Variants in KIAA0825 observed in about 807,000 individuals in gnomAD.
The protein encoded by KIAA0825 is KIAA0825.
A neutral mutation model predicts 147.6 loss-of-function variants in KIAA0825; 119 were observed. The ratio of observed to expected loss-of-function variants is 0.81; its 90% CI spans 0.69 to 0.94. The LOEUF is 0.94. KIAA0825 is among the 40% of genes least tolerant of loss of function. The pLI, the probability that KIAA0825 is intolerant of heterozygous loss-of-function variation, is 0.00. For synonymous variants in KIAA0825, 470 were observed against 518.1 expected, an observed-to-expected ratio of 0.91 and a Z score of 1.26; for missense variants, 1,381 against 1,472.7, an observed-to-expected ratio of 0.94 and a Z score of 1.02.
chr5:94,455,305 T>C (rs763153538), intron 12 of KIAA0825, among the ~76,000 whole-genome samples: 2 of 151,962 alleles, frequency 1.3e-5, no homozygotes, highest in Non-Finnish European at 2.9e-5. Flanking sequence ...ATCAGAGAAG[T>C]AGGCCAAGAC....
At chr5:94,355,780 C>T (rs1177829863) in intron 20 of KIAA0825, among the ~76,000 whole-genome samples, 2 of 152,142 alleles carry the variant, frequency 1.3e-5, no homozygotes, top group Admixed American at 6.5e-5. Context: ...TGTTTTAATA[C>T]TATTGTCAAG....
chr5:94,339,378 A>C (rs1306189015), intron 20 of KIAA0825, among the ~76,000 whole-genome samples: 1 of 152,158 alleles, frequency 6.6e-6, no homozygotes, highest in Non-Finnish European at 1.5e-5. Flanking sequence ...GGTATTTGTG[A>C]TTTAATAAGA....
intron 20 of KIAA0825, among the ~76,000 whole-genome samples, chr5:94,258,540 C>T (rs1776349906): frequency 1.3e-5 from 2 of 151,972 alleles, no homozygotes; most frequent in African/African-American, 4.8e-5. Flanking sequence ...CCCCCAGCAA[C>T]ATCAATAGTA....
At chr5:94,603,351 G>C (rs1786865675) in intron 1 of KIAA0825, among the ~76,000 whole-genome samples, 1 of 152,090 alleles carries the variant, frequency 6.6e-6, no homozygotes, top group African/African-American at 2.4e-5. Context: ...GGAGAAATAA[G>C]ATCATTTTCA....
At chr5:94,196,690 G>GCT (rs1771165519) in intron 20 of KIAA0825, among the ~76,000 whole-genome samples, 2 of 152,188 alleles carry the variant, frequency 1.3e-5, no homozygotes, top group Middle Eastern at 3.4e-3. Flanking sequence ...TCAATGTTAA[G>GCT]CTCTCACTTA....
intron 20 of KIAA0825, among the ~76,000 whole-genome samples, chr5:94,358,583 G>A (rs1005061428): frequency 1.3e-5 from 2 of 151,966 alleles, no homozygotes; most frequent in Non-Finnish European, 2.9e-5. Context: ...TACATACATG[G>A]GGCAAAGTTT....
chr5:94,406,993 A>T (rs1225413319), intron 15 of KIAA0825, among the ~76,000 whole-genome samples: 1 of 152,194 alleles, frequency 6.6e-6, no homozygotes, highest in East Asian at 1.9e-4. Context: ...AGTCAGTAGC[A>T]ATGGTTTAGC....
intron 20 of KIAA0825, among the ~76,000 whole-genome samples, chr5:94,220,081 T>G (rs899275930): frequency 6.6e-6 from 1 of 152,224 alleles, no homozygotes; most frequent in African/African-American, 2.4e-5. Context: ...CAAAAAATTC[T>G]TTCTCCATAT....
intron 2 of KIAA0825, among the ~76,000 whole-genome samples, chr5:94,560,091 C>CTAGT: frequency 6.6e-6 from 1 of 152,168 alleles, no homozygotes; most frequent in Non-Finnish European, 1.5e-5. Context: ...CATAACAAGA[C>CTAGT]CACCTTGGCT....
chr5:94,245,312 C>A (rs1379360442), intron 20 of KIAA0825, among the ~76,000 whole-genome samples: 1 of 152,158 alleles, frequency 6.6e-6, no homozygotes, highest in Admixed American at 6.6e-5. Context: ...GAATTTACCT[C>A]CAAATTTTTA....
At chr5:94,454,992 T>C (rs1202431675) in intron 12 of KIAA0825, among the ~76,000 whole-genome samples, 1 of 152,146 alleles carries the variant, frequency 6.6e-6, no homozygotes, top group African/African-American at 2.4e-5. Context: ...AAGCTTAGGA[T>C]ACATTGCAAG....
At chr5:94,391,514 A>AT (rs779618038) in intron 18 of KIAA0825, 21 bp downstream of exon 18, 2 of 1,551,310 alleles carry the variant, frequency 1.3e-6, no homozygotes, top group African/African-American at 2.7e-5. Flanking sequence ...TAATTGCTCG[A>AT]TAAAAAGGCC....
At chr5:94,190,523 C>T (rs985874060) in intron 20 of KIAA0825, among the ~76,000 whole-genome samples, 1 of 119,114 alleles carries the variant, frequency 8.4e-6, no homozygotes, top group Non-Finnish European at 1.7e-5. Flanking sequence ...TTGTCTAATA[C>T]GATGTTTAAA....
chr5:94,306,598 G>GTAT, intron 20 of KIAA0825, among the ~76,000 whole-genome samples: 1 of 151,704 alleles, frequency 6.6e-6, no homozygotes, highest in Non-Finnish European at 1.5e-5. Flanking sequence ...ACTGTACTAA[G>GTAT]CCCTCAGTTA....
chr5:94,565,055 CTT>C (rs1412235924), intron 2 of KIAA0825, among the ~76,000 whole-genome samples: 6 of 126,296 alleles, frequency 4.8e-5, no homozygotes, highest in Non-Finnish European at 8.0e-5. Context: ...CTCTCTCTCT[CTT>C]TCTTTCCTGT....
chr5:94,511,089 C>T (rs1292541605), intron 5 of KIAA0825, among the ~76,000 whole-genome samples: 1 of 152,132 alleles, frequency 6.6e-6, no homozygotes, highest in Non-Finnish European at 1.5e-5. Flanking sequence ...CCACAGAGAA[C>T]TCCCTTGCCC....
At chr5:94,474,119 C>A (rs1761552674) in intron 7 of KIAA0825, among the ~76,000 whole-genome samples, 1 of 152,154 alleles carries the variant, frequency 6.6e-6, no homozygotes. Flanking sequence ...AGCAGCACTA[C>A]TTTTGTTCCA....
intron 20 of KIAA0825, among the ~76,000 whole-genome samples, chr5:94,349,781 G>C (rs1783429171): frequency 6.6e-6 from 1 of 152,110 alleles, no homozygotes; most frequent in South Asian, 2.1e-4. Flanking sequence ...CTATAGCAAA[G>C]GCAGTGCTAA....
chr5:94,615,445 T>C (rs1162189167), intron 1 of KIAA0825: 1 of 152,182 alleles, frequency 6.6e-6, no homozygotes, highest in Non-Finnish European at 1.5e-5. Flanking sequence ...AGCCCTTCAT[T>C]CAAATCATAG....
Sources: allele counts gnomAD v4.1 joint callset (sites outside exome capture counted in the v4.1 genomes callset), GRCh38; gene constraint gnomAD v4.1.1; transcripts MANE v1.5; gene names NCBI Gene and HGNC (gene_info 2026-07-23, HGNC 2026-07-21).